Variants in LPP observed in about 807,000 individuals in gnomAD.
LPP encodes the protein LIM domain containing preferred translocation partner in lipoma.
LPP carries 38 observed loss-of-function variants against 60.4 expected under a neutral mutation model. The observed-to-expected ratio is 0.63, with a 90% CI of 0.49 to 0.83. The LOEUF (loss-of-function observed/expected upper bound fraction) is 0.83, where lower values mean the gene tolerates loss of function less well. Among genes scored for constraint, LPP ranks in the 40% least tolerant of loss-of-function variants. LPP has a pLI of 0.00. For synonymous variants in LPP, 328 were observed against 290.8 expected, an observed-to-expected ratio of 1.13 and a Z score of -1.30; for missense variants, 902 against 783.6, an observed-to-expected ratio of 1.15 and a Z score of -1.80.
chr3:188,665,561 G>A (rs1855608865), intron 7 of LPP, among the ~76,000 whole-genome samples: 1 of 149,860 alleles, frequency 6.7e-6, no homozygotes, highest in Admixed American at 6.7e-5. Context: ...CCAGTTTTAA[G>A]CGATTCTCCT....
At chr3:188,273,175 AT>A (rs1738398903) in intron 2 of LPP, among the ~76,000 whole-genome samples, 2 of 152,228 alleles carry the variant, frequency 1.3e-5, no homozygotes, top group Non-Finnish European at 2.9e-5. Flanking sequence ...ATGGTAGAGG[AT>A]GGGATTGAAT....
chr3:188,360,241 G>A (rs529571653), intron 3 of LPP, among the ~76,000 whole-genome samples: 1 of 152,286 alleles, frequency 6.6e-6, no homozygotes, highest in East Asian at 1.9e-4. Context: ...TTATGGTTTA[G>A]TAAACCTGAG....
intron 9 of LPP, among the ~76,000 whole-genome samples, chr3:188,842,806 G>A (rs746814352): frequency 7.9e-5 from 12 of 152,074 alleles, no homozygotes; most frequent in Non-Finnish European, 1.3e-4. Flanking sequence ...ATCATGAGTC[G>A]TAGTTTTAGG....
At chr3:188,364,471 C>T (rs114371328) in intron 3 of LPP, among the ~76,000 whole-genome samples, 86 of 152,294 alleles carry the variant, frequency 5.6e-4, no homozygotes, top group Non-Finnish European at 1.1e-3. Context: ...GAGAATGGGG[C>T]TGGTGACAAT....
At chr3:188,323,010 A>G (rs1757388339) in intron 2 of LPP, among the ~76,000 whole-genome samples, 1 of 152,224 alleles carries the variant, frequency 6.6e-6, no homozygotes, top group African/African-American at 2.4e-5. Context: ...ATTGTGTGGT[A>G]AAATCCACTC....
chr3:188,649,864 G>A (rs1851758967), intron 7 of LPP, among the ~76,000 whole-genome samples: 1 of 152,150 alleles, frequency 6.6e-6, no homozygotes, highest in Non-Finnish European at 1.5e-5. Flanking sequence ...AAGGAACCAA[G>A]GAAGCACATA....
chr3:188,509,899 A>G, intron 5 of LPP, among the ~76,000 whole-genome samples: 1 of 45,710 alleles, frequency 2.2e-5, no homozygotes, highest in South Asian at 7.4e-4. Context: ...TTGCATCTTT[A>G]GTAGAGATGG....
At chr3:188,494,206 C>T (rs561733587) in intron 5 of LPP, among the ~76,000 whole-genome samples, 1 of 152,248 alleles carries the variant, frequency 6.6e-6, no homozygotes, top group African/African-American at 2.4e-5. Context: ...CAAGGTTAAT[C>T]TGGGTCCTCA....
At chr3:188,213,589 G>A (rs74836982) in intron 1 of LPP, among the ~76,000 whole-genome samples, 5,153 of 152,236 alleles carry the variant, frequency 0.034, 131 homozygotes, top group South Asian at 0.076. Context: ...ACCTCTTCCC[G>A]TTAGGATATA....
chr3:188,517,611 C>T (rs570720903), intron 5 of LPP, among the ~76,000 whole-genome samples: 1 of 152,252 alleles, frequency 6.6e-6, no homozygotes, highest in Admixed American at 6.5e-5. Context: ...TATAGTTCCA[C>T]ATGGCTGGGG....
At chr3:188,696,179 G>C (rs1863193305) in intron 7 of LPP, among the ~76,000 whole-genome samples, 1 of 151,746 alleles carries the variant, frequency 6.6e-6, no homozygotes, top group African/African-American at 2.4e-5. Flanking sequence ...TCTGAATTCT[G>C]TCCCTCATTC....
intron 4 of LPP, among the ~76,000 whole-genome samples, chr3:188,483,224 C>T (rs7644772): frequency 0.01 from 1,552 of 152,258 alleles, 30 homozygotes; most frequent in African/African-American, 0.036. Flanking sequence ...AATTCTAAGA[C>T]TGTTATTTAT....
At chr3:188,298,315 T>C (rs1577937147) in intron 2 of LPP, among the ~76,000 whole-genome samples, 1 of 152,192 alleles carries the variant, frequency 6.6e-6, no homozygotes, top group Non-Finnish European at 1.5e-5. Context: ...GGTCACTCTC[T>C]GGGCCCCCTC....
intron 2 of LPP, among the ~76,000 whole-genome samples, chr3:188,294,521 C>T (rs1303009835): frequency 2.0e-5 from 3 of 152,188 alleles, no homozygotes; most frequent in Non-Finnish European, 4.4e-5. Context: ...AGTGGTAACA[C>T]AACTAGAGCC....
At chr3:188,159,737 G>T (rs1485569232) in intron 1 of LPP, among the ~76,000 whole-genome samples, 1 of 152,210 alleles carries the variant, frequency 6.6e-6, no homozygotes, top group Non-Finnish European at 1.5e-5. Context: ...GGGCAGTCCT[G>T]CCAGCAGAGT....
intron 6 of LPP, among the ~76,000 whole-genome samples, chr3:188,537,991 G>GA (rs913699266): frequency 1.2e-4 from 18 of 152,040 alleles, no homozygotes; most frequent in Middle Eastern, 3.2e-3. Flanking sequence ...TTCAAACAGG[G>GA]AAAAAATAGT....
At chr3:188,720,056 G>A (rs982513048) in intron 8 of LPP, among the ~76,000 whole-genome samples, 2 of 152,148 alleles carry the variant, frequency 1.3e-5, no homozygotes, top group African/African-American at 4.8e-5. Context: ...GGGACTACAG[G>A]CACGTGCCAC....
chr3:188,858,261 G>A (rs1764307068), intron 9 of LPP, among the ~76,000 whole-genome samples: 1 of 152,096 alleles, frequency 6.6e-6, no homozygotes, highest in Non-Finnish European at 1.5e-5. Flanking sequence ...TCTCACCATA[G>A]TCTTAGTCTT....
intron 4 of LPP, among the ~76,000 whole-genome samples, chr3:188,442,736 A>T (rs1794306601): frequency 6.6e-6 from 1 of 152,146 alleles, no homozygotes. Context: ...AATTTTCGAA[A>T]CTTAAGAATC....
Sources: allele counts gnomAD v4.1 joint callset (sites outside exome capture counted in the v4.1 genomes callset), GRCh38; gene constraint gnomAD v4.1.1; transcripts MANE v1.5; gene names NCBI Gene and HGNC (gene_info 2026-07-23, HGNC 2026-07-21).